Variants in DLC1 observed in about 807,000 individuals in gnomAD.
The protein encoded by DLC1 is DLC1 Rho GTPase activating protein.
A neutral mutation model predicts 140.3 loss-of-function variants in DLC1; 54 were observed. That is an observed-to-expected ratio of 0.38 (90% CI 0.31 to 0.48). DLC1 has a LOEUF of 0.48. DLC1 is among the 20% of genes least tolerant of loss of function. The probability of loss-of-function intolerance (pLI) is 0.96; values close to 1 mark genes in which losing one functional copy is unlikely to be tolerated. For missense variants in DLC1, 2,536 were observed against 1,907.0 expected (o/e 1.33, Z -6.14); for synonymous variants, 986 against 728.1 (o/e 1.35, Z -5.70).
intron 5 of DLC1, among the ~76,000 whole-genome samples, chr8:13,136,825 A>G (rs1822595623): frequency 6.6e-6 from 1 of 152,124 alleles, no homozygotes. Flanking sequence ...GTGAGCCACC[A>G]CACCTGGTCT....
chr8:13,484,058 C>A (rs1800859345), intron 2 of DLC1, among the ~76,000 whole-genome samples: 1 of 151,954 alleles, frequency 6.6e-6, no homozygotes, highest in Non-Finnish European at 1.5e-5. Flanking sequence ...CCAGCCTGGG[C>A]AACAGAGTGA....
At chr8:13,272,542 C>T (rs1830978911) in intron 5 of DLC1, among the ~76,000 whole-genome samples, 1 of 152,088 alleles carries the variant, frequency 6.6e-6, no homozygotes, top group Non-Finnish European at 1.5e-5. Flanking sequence ...TAAATTACAA[C>T]AGTGTGCACA....
intron 1 of DLC1, among the ~76,000 whole-genome samples, chr8:13,534,613 C>A (rs1803208084): frequency 1.3e-5 from 2 of 152,120 alleles, no homozygotes; most frequent in Admixed American, 1.3e-4. Context: ...AGTTAAGGTA[C>A]TGATCTCTAG....
chr8:13,401,422 A>G, intron 3 of DLC1, 48 bp downstream of exon 3: 1 of 1,602,606 alleles, frequency 6.2e-7, no homozygotes, highest in Non-Finnish European at 8.5e-7. Flanking sequence ...GTATAAGGTC[A>G]AGAGTTACGA....
Position 13,227,354 on chromosome 8 carries a change from C to T in DLC1, c.1348+77915G>A, listed in dbSNP as rs1009759862. On this transcript the variant is annotated intron_variant, in intron 5 of 17. Coordinates refer to ENST00000276297, the MANE Select transcript of DLC1 (RefSeq NM_182643.3). ...CTCGTACTTTATTTCAGCCCAAATC[C>T]AGATCATTTAATGCAGCAGAATCCT... Among the ~76,000 whole-genome samples, 3 of 152,130 alleles carry T rather than the reference C, an allele frequency of 2.0e-5. No homozygotes were observed. The East Asian group carries it at 5.8e-4, about 29-fold the overall frequency.
intron 5 of DLC1, among the ~76,000 whole-genome samples, chr8:13,259,001 G>A (rs994159782): frequency 2.0e-5 from 3 of 151,892 alleles, no homozygotes; most frequent in African/African-American, 7.3e-5. Context: ...GCCGTGCGTG[G>A]TGGCGGGCGC....
At chr8:13,566,873 C>A in intron 1 of DLC1, 1 of 1,298,686 alleles carries the variant, frequency 7.7e-7, no homozygotes, top group Non-Finnish European at 1.0e-6. Flanking sequence ...TCCCGGAAGA[C>A]GACCTCCGCA....
intron 4 of DLC1, among the ~76,000 whole-genome samples, chr8:13,325,419 G>T (rs1464969335): frequency 1.3e-5 from 2 of 151,964 alleles, no homozygotes; most frequent in East Asian, 3.9e-4. Context: ...TTCCAAACAG[G>T]TAAACATGTT....
At chr8:13,419,579 G>A (rs1393972205) in intron 2 of DLC1, among the ~76,000 whole-genome samples, 1 of 152,178 alleles carries the variant, frequency 6.6e-6, no homozygotes, top group Non-Finnish European at 1.5e-5. Context: ...GATCATGGTG[G>A]ATAAGCTTTT....
At chr8:13,336,870 C>T (rs560263174) in intron 4 of DLC1, among the ~76,000 whole-genome samples, 1 of 146,984 alleles carries the variant, frequency 6.8e-6, no homozygotes, top group South Asian at 2.2e-4. Context: ...ACAAAATTAA[C>T]ACATTAAGAC....
rs190400374 is a variant in DLC1, at chr8:13,224,347, G to T, written c.1348+80922C>A. 2.7e-4 allele frequency among the ~76,000 whole-genome samples: 41 copies of T among 152,284 alleles called. 1 individual carries two copies. Among genetic ancestry groups the T allele is most frequent in the African/African-American group, 8.2e-4 (34 of 41,556 alleles). On this transcript the variant is annotated intron_variant, in intron 5 of 17. Transcript: ENST00000276297. ...ATTGCTGAGGAGCAGATTTCAGTCC[G>T]GTTGGTCAGAAGAACTTGTCCATGA... is the stretch of plus-strand genomic sequence containing the variant.
intron 2 of DLC1, among the ~76,000 whole-genome samples, chr8:13,476,614 T>C (rs542924190): frequency 6.6e-6 from 1 of 152,184 alleles, no homozygotes; most frequent in East Asian, 1.9e-4. Flanking sequence ...CAAACCAGAA[T>C]GAATAGAAAG....
chr8:13,214,467 A>G (rs1309551101), intron 5 of DLC1: 1 of 641,088 alleles, frequency 1.6e-6, no homozygotes, highest in Non-Finnish European at 2.8e-6. Flanking sequence ...GTCTGTGCTG[A>G]CTGTTGGTAT....
intron 5 of DLC1, 187 bp downstream of exon 5, chr8:13,305,082 G>A: frequency 7.9e-7 from 1 of 1,267,620 alleles, no homozygotes; most frequent in Admixed American, 3.7e-5. Flanking sequence ...ATGTCATTAT[G>A]TCAGAAAACC....
chr8:13,486,222 GA>G (rs1800961994), intron 2 of DLC1, among the ~76,000 whole-genome samples: 1 of 152,078 alleles, frequency 6.6e-6, no homozygotes, highest in Admixed American at 6.6e-5. Flanking sequence ...TGCAAAACTA[GA>G]AACCAGGAGA....
intron 2 of DLC1, among the ~76,000 whole-genome samples, chr8:13,408,373 C>T (rs1837654995): frequency 6.6e-6 from 1 of 152,142 alleles, no homozygotes. Context: ...AATTTATCTG[C>T]TATTAATCTG....
chr8:13,159,171 C>A (rs187437062), intron 5 of DLC1, among the ~76,000 whole-genome samples: 8 of 152,110 alleles, frequency 5.3e-5, no homozygotes, highest in African/African-American at 1.2e-4. Flanking sequence ...AATACCAGTA[C>A]GGTGGCAGGA....
At chr8:13,278,809 A>G (rs935701358) in intron 5 of DLC1, among the ~76,000 whole-genome samples, 1 of 152,238 alleles carries the variant, frequency 6.6e-6, no homozygotes, top group African/African-American at 2.4e-5. Context: ...TTAAGTCCCT[A>G]TAATGTATGA....
At chr8:13,544,529 G>C (rs1044972782) in intron 1 of DLC1, among the ~76,000 whole-genome samples, 10 of 152,112 alleles carry the variant, frequency 6.6e-5, no homozygotes, top group Non-Finnish European at 5.9e-5. Context: ...AGCGTGAGGG[G>C]AGAGATTACA....
Sources: allele counts gnomAD v4.1 joint callset (sites outside exome capture counted in the v4.1 genomes callset), GRCh38; gene constraint gnomAD v4.1.1; transcripts MANE v1.5; gene names NCBI Gene and HGNC (gene_info 2026-07-23, HGNC 2026-07-21).